Variants in NRDE2 observed in about 807,000 individuals in gnomAD.
NRDE2 encodes the protein nuclear exosome regulator NRDE2.
A neutral mutation model predicts 124.2 loss-of-function variants in NRDE2; 76 were observed. The observed-to-expected ratio is 0.61, with a 90% CI of 0.51 to 0.74. The LOEUF (loss-of-function observed/expected upper bound fraction) is 0.74, where lower values mean the gene tolerates loss of function less well. Ranked by LOEUF, NRDE2 falls within the 30% of genes least tolerant of loss-of-function variation. The pLI is 0.00. For missense variants in NRDE2, 1,314 were observed against 1,417.3 expected (o/e 0.93, Z 1.17); for synonymous variants, 489 against 528.1 (o/e 0.93, Z 1.01).
At chr14:90,307,293 T>G (rs1400571442) in intron 4 of NRDE2, among the ~76,000 whole-genome samples, 1 of 152,238 alleles carries the variant, frequency 6.6e-6, no homozygotes, top group East Asian at 1.9e-4. Context: ...TATTTAACCA[T>G]TTCCCAATCA....
At chr14:90,283,952 C>T (rs540237168) in intron 12 of NRDE2, among the ~76,000 whole-genome samples, 1 of 152,220 alleles carries the variant, frequency 6.6e-6, no homozygotes, top group South Asian at 2.1e-4. Flanking sequence ...ACCTCGTGAT[C>T]CGCCCACCTC....
Position 90,270,257 on chromosome 14 carries a change from T to C in NRDE2, c.*8079A>G, listed in dbSNP as rs888987761. ...TGATGAAAAGACGAAGAAGCGCATC[T>C]TTCAGATTCACACAAGCAGGATGAC... On this transcript the variant is annotated 3_prime_UTR_variant, in exon 14 of 14. Coordinates refer to ENST00000354366, the MANE Select transcript of NRDE2 (RefSeq NM_017970.4). The C allele has an allele frequency of 1.2e-6, 2 of 1,613,688 alleles. No homozygotes were observed. The highest frequency in any genetic ancestry group is 1.7e-6 in the Non-Finnish European group (2 of 1,179,854).
At chr14:90,291,317 A>G (rs180788435) in intron 9 of NRDE2, among the ~76,000 whole-genome samples, 88 of 152,380 alleles carry the variant, frequency 5.8e-4, no homozygotes, top group Non-Finnish European at 1.0e-3. Context: ...ACACAAGCAC[A>G]ATAAACTAGA....
chr14:90,330,984 C>T (rs139705246), intron 1 of NRDE2, among the ~76,000 whole-genome samples: 118 of 151,736 alleles, frequency 7.8e-4, no homozygotes, highest in Admixed American at 1.8e-3. Flanking sequence ...CAGGATGCAG[C>T]GGCACGATCA....
chr14:90,305,437 A>G (rs893080561), intron 4 of NRDE2, among the ~76,000 whole-genome samples: 2 of 152,260 alleles, frequency 1.3e-5, no homozygotes, highest in Non-Finnish European at 2.9e-5. Context: ...TACCCAAGAA[A>G]AAGGAAAGCA....
At chr14:90,299,483 C>A (rs567628352) in intron 7 of NRDE2, among the ~76,000 whole-genome samples, 8 of 152,172 alleles carry the variant, frequency 5.3e-5, no homozygotes, top group Non-Finnish European at 1.0e-4. Context: ...TGAACAGAAA[C>A]GTGATCATGT....
At chr14:90,289,766 T>C (rs1213098163) in intron 10 of NRDE2, among the ~76,000 whole-genome samples, 1 of 152,206 alleles carries the variant, frequency 6.6e-6, no homozygotes, top group African/African-American at 2.4e-5. Flanking sequence ...TTTTGCATTT[T>C]TAGTAGAGAC....
intron 2 of NRDE2, among the ~76,000 whole-genome samples, chr14:90,317,297 G>A (rs1362124707): frequency 6.6e-6 from 1 of 152,016 alleles, no homozygotes; most frequent in African/African-American, 2.4e-5. Flanking sequence ...TTATAAAAAG[G>A]TTTATTTTCA....
chr14:90,310,938 T>C (rs948775358), intron 4 of NRDE2, among the ~76,000 whole-genome samples: 5 of 152,166 alleles, frequency 3.3e-5, no homozygotes, highest in Admixed American at 3.3e-4. Context: ...ATAATAGTCA[T>C]TTATACTCAA....
In NRDE2 at chr14:90,290,464, A is replaced by T; in HGVS notation, c.1986T>A (p.Asp662Glu). 6.2e-7 allele frequency: 1 copy of T among 1,614,090 alleles called. No individual in the cohort carries two copies. The highest frequency in any genetic ancestry group is 8.5e-7 in the Non-Finnish European group (1 of 1,180,032). The change falls in exon 10 of 14, where the codon GAT becomes GAA. Residue 662 changes from aspartate (D) to glutamate (E), a missense_variant. Asp to Glu is a conservative substitution (Grantham distance 45). Transcript: ENST00000354366. ...PPASCLYLAM[D>E]ENSIFDNGLY... ...GTCCATTATCAAAGATGCTGTTCTC[A>T]TCCATGGCCAGATAAAGACAGGAGG...
At position 90,278,317 on chromosome 14, in the gene NRDE2, C is replaced by A; in HGVS notation, c.*19G>T. ...GGGCAACTTGGCCTCGCAGGCACAGCCCGTTTTCCCGCTGCTCTCTAATCC... is the reference window on the plus strand; with the variant it reads ...GGGCAACTTGGCCTCGCAGGCACAGACCGTTTTCCCGCTGCTCTCTAATCC... On this transcript the variant is annotated 3_prime_UTR_variant, in exon 14 of 14. Coordinates refer to ENST00000354366, the MANE Select transcript of NRDE2 (RefSeq NM_017970.4). 6.2e-7 allele frequency: 1 copy of A among 1,613,932 alleles called. No homozygotes were observed. Among genetic ancestry groups the A allele is most frequent in the Non-Finnish European group, 8.5e-7 (1 of 1,179,888 alleles).
intron 2 of NRDE2, among the ~76,000 whole-genome samples, chr14:90,317,256 AAATAAT>A (rs145165721): frequency 0.011 from 1,741 of 152,206 alleles, 26 homozygotes; most frequent in African/African-American, 0.039. Flanking sequence ...TTTATTTTAA[AAATAAT>A]AATAATAATT....
rs138831242 is a variant in NRDE2, at chr14:90,278,947, G to T, written c.3369+115C>A. ...GATGTACCTTGGGACAGGGTATGGC[G>T]TCCATGAGCCGAGCATCCCCGGTGC... On this transcript the variant is annotated intron_variant, in intron 13 of 13. Coordinates refer to ENST00000354366, the MANE Select transcript of NRDE2 (RefSeq NM_017970.4). 45 of 758,512 alleles carry T rather than the reference G, an allele frequency of 5.9e-5. No individual in the cohort carries two copies. In the South Asian group the frequency reaches 6.5e-4, roughly 11 times the overall value. 47.0% of individuals were successfully genotyped at this position (758,512 alleles called of 1,614,324 possible).
In NRDE2 at chr14:90,315,249, T is replaced by C. The variant is rs377538180; in HGVS notation, c.407+1329A>G. On this transcript the variant is annotated intron_variant, in intron 3 of 13. Coordinates refer to ENST00000354366, the MANE Select transcript of NRDE2 (RefSeq NM_017970.4). ...AGCTGGGTGTGGTGATGCATGCCTG[T>C]AGTCCCAGCTACTTGGGAGGCTGAG... is the stretch of plus-strand genomic sequence containing the variant. 2.3e-3 allele frequency among the ~76,000 whole-genome samples: 334 copies of C among 146,690 alleles called. 1 individual carries two copies. Among genetic ancestry groups the C allele is most frequent in the South Asian group, 0.021 (96 of 4,648 alleles).
At chr14:90,287,028 C>G (rs188668821) in intron 11 of NRDE2, among the ~76,000 whole-genome samples, 1,784 of 85,762 alleles carry the variant, frequency 0.021, 38 homozygotes, top group African/African-American at 0.071. Flanking sequence ...AGTGAGACTC[C>G]GTCTCAAAAA....
intron 1 of NRDE2, among the ~76,000 whole-genome samples, chr14:90,323,837 TC>T (rs1885325139): frequency 6.6e-6 from 1 of 152,188 alleles, no homozygotes; most frequent in African/African-American, 2.4e-5. Flanking sequence ...ACTGGCTGTT[TC>T]TTGGTTGTGC....
In NRDE2 at chr14:90,270,659, G is replaced by T; in HGVS notation, c.*7677C>A. The T allele has an allele frequency of 4.2e-6, 1 of 239,864 alleles. No individual in the cohort carries two copies. The highest frequency in any genetic ancestry group is 8.1e-6 in the Non-Finnish European group (1 of 124,178). 14.9% of individuals were successfully genotyped at this position (239,864 alleles called of 1,614,324 possible). On this transcript the variant is annotated 3_prime_UTR_variant, in exon 14 of 14. Coordinates refer to ENST00000354366, the MANE Select transcript of NRDE2 (RefSeq NM_017970.4). ...AATGTAGCTGCTCAGTCCCAGGTCA[G>T]GGGAAGGGTATGTCCTGGGAGAACT...
intron 7 of NRDE2, 130 bp from the exon 8 acceptor site, chr14:90,298,510 A>T: frequency 2.1e-6 from 2 of 933,538 alleles, no homozygotes; most frequent in Middle Eastern, 2.8e-4. Flanking sequence ...CAGTCTTTGA[A>T]GTAGATACAT....
At chr14:90,309,747 G>A (rs1321747311) in intron 4 of NRDE2, among the ~76,000 whole-genome samples, 5 of 152,166 alleles carry the variant, frequency 3.3e-5, no homozygotes, top group African/African-American at 1.2e-4. Context: ...ACTGTCCTCT[G>A]ACCAGCTCAG....
Sources: gnomAD v4.1 joint callset for allele counts (sites outside exome capture counted in the v4.1 genomes callset) on GRCh38, gnomAD v4.1.1 for gene constraint, MANE v1.5 for transcripts, NCBI Gene and HGNC (gene_info 2026-07-23, HGNC 2026-07-21) for gene names.